Variants in CLDN16 observed in about 807,000 individuals in gnomAD.
CLDN16 encodes the protein claudin-16.
CLDN16 carries 13 observed loss-of-function variants against 24.6 expected under a neutral mutation model. The observed-to-expected ratio is 0.53, with a 90% CI of 0.34 to 0.84. The LOEUF (loss-of-function observed/expected upper bound fraction) is 0.84. CLDN16 is among the 40% of genes least tolerant of loss of function. CLDN16 has a pLI of 0.01. For missense variants in CLDN16, 298 were observed against 292.7 expected (o/e 1.02, Z -0.13); for synonymous variants, 116 against 106.7 (o/e 1.09, Z -0.54).
rs962606383 is a variant in CLDN16, at chr3:190,410,316, A to G, written c.*280A>G. ...AGAAATATTTGTTTGTGATTTCTAT[A>G]TAGCTATTAGAGATTATGACATAGT... On this transcript the variant is annotated 3_prime_UTR_variant, in exon 5 of 5. Transcript: ENST00000264734. 6 of 414,070 alleles carry G rather than the reference A, an allele frequency of 1.4e-5. No homozygotes were observed. Among genetic ancestry groups the G allele is most frequent in the Non-Finnish European group, 2.2e-5 (5 of 224,772 alleles). The allele number at this position is 414,070 out of a possible 1,614,324, so 25.6% of individuals were successfully genotyped here. A position where few individuals can be genotyped will look rare whatever the true frequency, so the allele number is the denominator to read the frequency against.
chr3:190,322,192 C>A (rs78025997), upstream of CLDN16: 1 of 1,613,874 alleles, frequency 6.2e-7, no homozygotes, highest in Admixed American at 1.7e-5. Flanking sequence ...ACAGCTGCAG[C>A]CCCGCGTTGG....
At chr3:190,401,097 C>T (rs917589107) in intron 1 of CLDN16, among the ~76,000 whole-genome samples, 1 of 152,246 alleles carries the variant, frequency 6.6e-6, no homozygotes, top group Non-Finnish European at 1.5e-5. Flanking sequence ...TTATTACCAA[C>T]TATAAGTATT....
intron 3 of CLDN16, among the ~76,000 whole-genome samples, chr3:190,406,989 C>T (rs141613332): frequency 0.054 from 8,232 of 152,084 alleles, 599 homozygotes; most frequent in African/African-American, 0.16. Context: ...ATCCGCCCGC[C>T]TCGGCCCCCC....
chr3:190,365,527 T>C (rs1241203939), intron 1 of CLDN16, among the ~76,000 whole-genome samples: 1 of 148,078 alleles, frequency 6.8e-6, no homozygotes. Flanking sequence ...GTATTTCTAC[T>C]TCATCTAGTA....
the CLDN16 span, among the ~76,000 whole-genome samples, chr3:190,300,240 A>G: frequency 6.6e-6 from 1 of 152,214 alleles, no homozygotes; most frequent in African/African-American, 2.4e-5. Context: ...TTAAAGCCAC[A>G]CTTTTAACAG....
chr3:190,406,863 TC>T (rs1431078238), intron 3 of CLDN16, among the ~76,000 whole-genome samples: 1 of 148,634 alleles, frequency 6.7e-6, no homozygotes, highest in Non-Finnish European at 1.5e-5. Context: ...TGCCTCAGCC[TC>T]CCAAGTAGCT....
chr3:190,316,985 T>C, the CLDN16 span, among the ~76,000 whole-genome samples: 1 of 152,208 alleles, frequency 6.6e-6, no homozygotes, highest in Non-Finnish European at 1.5e-5. Flanking sequence ...TTTTTTAAAG[T>C]ATGTATCTAA....
At chr3:190,296,304 A>T in the CLDN16 span, among the ~76,000 whole-genome samples, 1 of 152,192 alleles carries the variant, frequency 6.6e-6, no homozygotes, top group Non-Finnish European at 1.5e-5. Flanking sequence ...TTACAAAGAA[A>T]AATAAAGCAG....
intron 1 of CLDN16, among the ~76,000 whole-genome samples, chr3:190,356,924 T>C (rs545409675): frequency 1.3e-5 from 2 of 152,048 alleles, no homozygotes; most frequent in South Asian, 4.1e-4. Context: ...TATACAAAGA[T>C]TCTAATGGAG....
chr3:190,335,191 C>T (rs1373686238), intron 1 of CLDN16, among the ~76,000 whole-genome samples: 1 of 151,470 alleles, frequency 6.6e-6, no homozygotes, highest in Non-Finnish European at 1.5e-5. Context: ...TTACAGGCAC[C>T]CGCCACCATG....
At chr3:190,292,727 A>G in the CLDN16 span, among the ~76,000 whole-genome samples, 1 of 152,204 alleles carries the variant, frequency 6.6e-6, no homozygotes, top group Non-Finnish European at 1.5e-5. Flanking sequence ...TCTAGGGAAG[A>G]GGCAAAATGC....
At chr3:190,315,481 A>G in the CLDN16 span, among the ~76,000 whole-genome samples, 1 of 152,208 alleles carries the variant, frequency 6.6e-6, no homozygotes, top group East Asian at 1.9e-4. Flanking sequence ...TATTCTAAGT[A>G]TAATCAGAAG....
At chr3:190,405,271 A>T (rs1349174806) in intron 3 of CLDN16, among the ~76,000 whole-genome samples, 1 of 152,028 alleles carries the variant, frequency 6.6e-6, no homozygotes, top group Non-Finnish European at 1.5e-5. Flanking sequence ...CCCACTAAAA[A>T]TACAAATCCA....
At chr3:190,366,386 G>A (rs996728137) in intron 1 of CLDN16, among the ~76,000 whole-genome samples, 5 of 151,832 alleles carry the variant, frequency 3.3e-5, no homozygotes, top group African/African-American at 9.7e-5. Context: ...CACTGACAGG[G>A]TCTTCATTTC....
chr3:190,368,983 G>T (rs746999985), intron 1 of CLDN16, among the ~76,000 whole-genome samples: 17 of 152,002 alleles, frequency 1.1e-4, no homozygotes, highest in South Asian at 6.2e-4. Flanking sequence ...TGTGTTATTA[G>T]ACCAAAAATG....
chr3:190,304,485 A>C, the CLDN16 span, among the ~76,000 whole-genome samples: 1 of 152,162 alleles, frequency 6.6e-6, no homozygotes, highest in African/African-American at 2.4e-5. Flanking sequence ...CATATTGGAA[A>C]ACTTATCAAT....
At chr3:190,358,666 TAAA>T (rs554584028) in intron 1 of CLDN16, among the ~76,000 whole-genome samples, 8,066 of 151,496 alleles carry the variant, frequency 0.053, 255 homozygotes, top group Non-Finnish European at 0.067. Context: ...CCTGCAAAAT[TAAA>T]AAAAACAACA....
chr3:190,373,733 G>A (rs571206697), intron 2 of CLDN16, among the ~76,000 whole-genome samples: 77 of 151,816 alleles, frequency 5.1e-4, no homozygotes, highest in Middle Eastern at 3.4e-3. Context: ...CTAGTCCAGC[G>A]CTCAGGACGC....
chr3:190,368,826 T>G (rs911322994), intron 1 of CLDN16, among the ~76,000 whole-genome samples: 11 of 151,910 alleles, frequency 7.2e-5, no homozygotes, highest in African/African-American at 2.7e-4. Context: ...TCCTCTGTAT[T>G]TTTTCCCTTT....
Sources: gnomAD v4.1 joint callset for allele counts (sites outside exome capture counted in the v4.1 genomes callset) on GRCh38, gnomAD v4.1.1 for gene constraint, MANE v1.5 for transcripts, NCBI Gene and HGNC (gene_info 2026-07-23, HGNC 2026-07-21) for gene names.